LYPD6B: variants seen among roughly 807,000 people sequenced by gnomAD.
LYPD6B encodes LY6/PLAUR domain containing 6B.
In LYPD6B, 17 loss-of-function variants were observed where a neutral mutation model predicts 22.8. The ratio of observed to expected loss-of-function variants is 0.75; its 90% CI spans 0.51 to 1.12. The LOEUF (loss-of-function observed/expected upper bound fraction) is 1.12, where lower values mean the gene tolerates loss of function less well. Ranked by LOEUF, LYPD6B falls within the 50% of genes most tolerant of loss-of-function variation. The pLI is 0.00. For missense variants in LYPD6B, 221 were observed against 258.3 expected, an observed-to-expected ratio of 0.86 and a Z score of 0.99; for synonymous variants, 106 against 91.6, an observed-to-expected ratio of 1.16 and a Z score of -0.90.
intron 2 of LYPD6B, among the ~76,000 whole-genome samples, chr2:149,141,031 G>C (rs996127336): frequency 6.6e-6 from 1 of 152,162 alleles, no homozygotes; most frequent in African/African-American, 2.4e-5. Context: ...TAAAGTCCCT[G>C]TTCTCATGGA....
chr2:149,044,669 C>G (rs538350436), intron 1 of LYPD6B, among the ~76,000 whole-genome samples: 1 of 152,022 alleles, frequency 6.6e-6, no homozygotes, highest in Non-Finnish European at 1.5e-5. Flanking sequence ...AGAGAACATC[C>G]TTACTTTGTT....
At chr2:149,214,094 T>G (rs189016389) in intron 6 of LYPD6B, among the ~76,000 whole-genome samples, 1 of 152,312 alleles carries the variant, frequency 6.6e-6, no homozygotes, top group East Asian at 1.9e-4. Flanking sequence ...ATTGTTGCTG[T>G]AATGATAAGA....
intron 1 of LYPD6B, among the ~76,000 whole-genome samples, chr2:149,095,356 G>A (rs1685855964): frequency 1.3e-5 from 2 of 152,158 alleles, no homozygotes; most frequent in South Asian, 4.1e-4. Context: ...TAAAAGGGTA[G>A]TATGCAGTCC....
intron 2 of LYPD6B, among the ~76,000 whole-genome samples, chr2:149,159,345 TTTC>T (rs1689900860): frequency 6.6e-6 from 1 of 152,198 alleles, no homozygotes; most frequent in Non-Finnish European, 1.5e-5. Context: ...GTGTGTCTAT[TTTC>T]TTCTTTGCTT....
At position 149,164,242 on chromosome 2, in the gene LYPD6B, C is replaced by G. The variant is rs375372881; in HGVS notation, c.77+3407C>G. Reference sequence around the variant, plus strand: ...TAAGGGGAGCTCAGAGCAAGCCTCTCTCTGCACTTGCTGTTTTTCAAATGC... The same window carrying G: ...TAAGGGGAGCTCAGAGCAAGCCTCTGTCTGCACTTGCTGTTTTTCAAATGC... On this transcript the variant is annotated intron_variant, in intron 3 of 6. Transcript: ENST00000409642. Among the ~76,000 whole-genome samples, 56 of 152,266 alleles carry G rather than the reference C, an allele frequency of 3.7e-4. No homozygotes were observed. In the South Asian group the frequency reaches 3.9e-3, roughly 11 times the overall value.
In LYPD6B at chr2:149,178,386, C is replaced by T. The variant is rs1575125306; in HGVS notation, c.77+17551C>T. On this transcript the variant is annotated intron_variant, in intron 3 of 6. Transcript: ENST00000409642. ...TTATCACCACTGTGATCTAGATGTC[C>T]GTGCAAAATTAACTAAAAGTCAGTT... is the stretch of plus-strand genomic sequence containing the variant. 2.0e-5 allele frequency among the ~76,000 whole-genome samples: 3 copies of T among 152,252 alleles called. No individual in the cohort carries two copies. The South Asian group carries it at 6.2e-4, about 32-fold the overall frequency.
At chr2:149,067,974 A>T (rs1684420208) in intron 1 of LYPD6B, among the ~76,000 whole-genome samples, 2 of 152,180 alleles carry the variant, frequency 1.3e-5, no homozygotes, top group Admixed American at 1.3e-4. Flanking sequence ...GGAGGGAATG[A>T]TCTCAACAGA....
chr2:149,073,948 G>A (rs1026890), intron 1 of LYPD6B, among the ~76,000 whole-genome samples: 77 of 152,196 alleles, frequency 5.1e-4, no homozygotes, highest in African/African-American at 1.7e-3. Flanking sequence ...GAAGTGATGG[G>A]TCTGGGGAAG....
intron 2 of LYPD6B, among the ~76,000 whole-genome samples, chr2:149,145,852 G>C (rs1422963484): frequency 6.6e-6 from 1 of 152,194 alleles, no homozygotes; most frequent in Non-Finnish European, 1.5e-5. Context: ...TAAGGAATCT[G>C]GGAAGGTGCA....
At chr2:149,074,268 G>A (rs1359817502) in intron 1 of LYPD6B, among the ~76,000 whole-genome samples, 1 of 150,432 alleles carries the variant, frequency 6.6e-6, no homozygotes, top group African/African-American at 2.4e-5. Flanking sequence ...ACGCATGCAT[G>A]CACACACACA....
intron 2 of LYPD6B, among the ~76,000 whole-genome samples, chr2:149,140,298 C>A (rs761743615): frequency 6.6e-6 from 1 of 152,124 alleles, no homozygotes; most frequent in Non-Finnish European, 1.5e-5. Context: ...TGTGGTTCAG[C>A]GCTTTGCATG....
At chr2:149,040,971 G>A (rs1043107137) in intron 1 of LYPD6B, among the ~76,000 whole-genome samples, 1 of 152,218 alleles carries the variant, frequency 6.6e-6, no homozygotes, top group Non-Finnish European at 1.5e-5. Flanking sequence ...TGGAAAGACA[G>A]ATATGAGGAT....
chr2:149,138,233 G>A (rs1032094730), intron 2 of LYPD6B, among the ~76,000 whole-genome samples: 18 of 152,206 alleles, frequency 1.2e-4, no homozygotes, highest in African/African-American at 4.1e-4. Context: ...CCTAGGGAGG[G>A]AAAGGAAGTC....
chr2:149,120,921 A>G (rs796296209), intron 1 of LYPD6B, among the ~76,000 whole-genome samples: 2 of 150,756 alleles, frequency 1.3e-5, no homozygotes, highest in African/African-American at 4.9e-5. Flanking sequence ...CTTCCCAAGT[A>G]ACTGGGACTA....
At chr2:149,055,847 T>G (rs1683764322) in intron 1 of LYPD6B, among the ~76,000 whole-genome samples, 1 of 152,256 alleles carries the variant, frequency 6.6e-6, no homozygotes, top group Admixed American at 6.5e-5. Flanking sequence ...TCTTCCAATC[T>G]GAATGCCTTT....
At chr2:149,071,022 T>A (rs1408158054) in intron 1 of LYPD6B, among the ~76,000 whole-genome samples, 3 of 152,198 alleles carry the variant, frequency 2.0e-5, no homozygotes, top group Non-Finnish European at 2.9e-5. Flanking sequence ...ATCATTTAGT[T>A]CCACACCCGG....
At chr2:149,208,045 C>A (rs930624829) in intron 4 of LYPD6B, among the ~76,000 whole-genome samples, 1 of 152,046 alleles carries the variant, frequency 6.6e-6, no homozygotes, top group African/African-American at 2.4e-5. Context: ...GATAATAGAA[C>A]AATACTATGC....
At chr2:149,145,434 G>A (rs186641830) in intron 2 of LYPD6B, among the ~76,000 whole-genome samples, 9 of 152,304 alleles carry the variant, frequency 5.9e-5, no homozygotes, top group African/African-American at 2.2e-4. Flanking sequence ...GCCCGGGTGC[G>A]AGAGTGAGGG....
At chr2:149,138,843 C>T (rs757172618) in intron 2 of LYPD6B, among the ~76,000 whole-genome samples, 41 of 152,342 alleles carry the variant, frequency 2.7e-4, no homozygotes, top group Non-Finnish European at 4.0e-4. Flanking sequence ...AGCCACTGCA[C>T]ATGGCCATCA....
Sources: gnomAD v4.1 joint callset for allele counts (sites outside exome capture counted in the v4.1 genomes callset) on GRCh38, gnomAD v4.1.1 for gene constraint, MANE v1.5 for transcripts, NCBI Gene and HGNC (gene_info 2026-07-23, HGNC 2026-07-21) for gene names.